Variants in KANK4 observed in about 807,000 individuals in gnomAD.
KANK4 encodes KN motif and ankyrin repeat domains 4, also known as KN motif and ankyrin repeat domain-containing protein 4.
A neutral mutation model predicts 80.8 loss-of-function variants in KANK4; 50 were observed. The observed-to-expected ratio is 0.62, with a 90% CI of 0.49 to 0.78. KANK4 has a LOEUF of 0.78. Ranked by LOEUF, KANK4 falls within the 30% of genes least tolerant of loss-of-function variation. The pLI, the probability that KANK4 is intolerant of heterozygous loss-of-function variation, is 0.00. For missense variants in KANK4, 1,196 were observed against 1,240.1 expected (o/e 0.96, Z 0.53); for synonymous variants, 465 against 506.9 (o/e 0.92, Z 1.11).
chr1:62,241,518 C>G (rs549461937), intron 9 of KANK4, among the ~76,000 whole-genome samples: 2 of 152,312 alleles, frequency 1.3e-5, no homozygotes, highest in East Asian at 3.9e-4. Flanking sequence ...TCCACGAGGT[C>G]AAGAACTTGA....
At chr1:62,248,901 G>A (rs549212676) in intron 8 of KANK4, among the ~76,000 whole-genome samples, 2 of 147,498 alleles carry the variant, frequency 1.4e-5, no homozygotes, top group African/African-American at 2.5e-5. Context: ...AGTGGCTCAC[G>A]CCTGTAATCC....
intron 1 of KANK4, among the ~76,000 whole-genome samples, chr1:62,314,225 G>T (rs902684551): frequency 6.6e-5 from 10 of 152,060 alleles, no homozygotes; most frequent in African/African-American, 9.7e-5. Flanking sequence ...TGTTGGCCAG[G>T]CTGGTCTCGA....
In KANK4 at chr1:62,275,087, G is replaced by A. The variant is rs373936260; in HGVS notation, c.17C>T (p.Ala6Val). MEKTD[A>V]KDQSSQGDEE... ...ATCCCCCTGAGAGGACTGGTCTTTG[G>A]CTGGGAGACATAAGACAAGTTAAAA... is the stretch of plus-strand genomic sequence containing the variant. Residue 6 changes from alanine (A) to valine (V), a missense_variant and splice_region_variant, in exon 3 of 10, where the codon GCC (alanine) becomes GTC (valine). Ala to Val is a moderately conservative substitution (Grantham distance 64). Transcript: ENST00000371153. 9.4e-6 allele frequency: 15 copies of A among 1,587,858 alleles called. No individual in the cohort carries two copies. The highest frequency in any genetic ancestry group is 2.2e-5 in the East Asian group (1 of 44,596).
At chr1:62,295,151 T>TC (rs1010307093) in intron 1 of KANK4, among the ~76,000 whole-genome samples, 1 of 152,012 alleles carries the variant, frequency 6.6e-6, no homozygotes, top group African/African-American at 2.4e-5. Context: ...TTTCTTTTTT[T>TC]TTTTTGAGAT....
intron 1 of KANK4, among the ~76,000 whole-genome samples, chr1:62,287,260 G>T (rs764033503): frequency 6.6e-6 from 1 of 152,210 alleles, no homozygotes; most frequent in African/African-American, 2.4e-5. Flanking sequence ...GGAGGGGCCA[G>T]GAAAGCGTCT....
At chr1:62,271,439 A>G (rs763114681) in intron 4 of KANK4, 39 bp downstream of exon 4, 15 of 1,327,146 alleles carry the variant, frequency 1.1e-5, no homozygotes, top group Non-Finnish European at 1.6e-5. Context: ...CAGGAGAGGT[A>G]GCAAGAAAGG....
chr1:62,271,515 T>A lies in KANK4; in HGVS notation c.1975A>T (p.Thr659Ser). The A allele has an allele frequency of 6.2e-7, 1 of 1,614,096 alleles. No homozygotes were observed. Among genetic ancestry groups the A allele is most frequent in the Non-Finnish European group, 8.5e-7 (1 of 1,179,938 alleles). ...DYGFRAGGNG[T>S]KKNLQFVGVN... ...CCAACAAACTGAAGGTTCTTTTTGG[T>A]CCCATTACCTCCTGCACGGAAGCCA... The change falls in exon 4 of 10, where the codon ACC becomes TCC. Residue 659 changes from threonine to serine, a missense_variant. By Grantham distance (58) the Thr-to-Ser change is moderately conservative. This residue lies in a region of KANK4 where 1,154 missense variants were observed against 1,179.6 expected (regional missense o/e 0.98). Coordinates refer to ENST00000371153, the MANE Select transcript of KANK4 (RefSeq NM_181712.5).
intron 2 of KANK4, among the ~76,000 whole-genome samples, chr1:62,278,320 TCTTCCTTCCTTC>T (rs1166178685): frequency 8.3e-5 from 5 of 60,514 alleles, no homozygotes; most frequent in Non-Finnish European, 1.4e-4. Flanking sequence ...ACATTTTCTT[TCTTCCTTCCTTC>T]CTTCCTTCCT....
chr1:62,247,422 G>A (rs368404501), intron 9 of KANK4, 50 bp downstream of exon 9: 3 of 1,557,966 alleles, frequency 1.9e-6, no homozygotes, highest in Non-Finnish European at 8.8e-7. Flanking sequence ...TTACAGGTAT[G>A]AGCCACCCTG....
intron 9 of KANK4, among the ~76,000 whole-genome samples, chr1:62,245,536 G>A (rs1282345644): frequency 6.6e-6 from 1 of 152,186 alleles, no homozygotes; most frequent in Non-Finnish European, 1.5e-5. Context: ...AATTGTGGCT[G>A]TTAAGAAAGC....
chr1:62,244,565 A>C (rs1361737989), intron 9 of KANK4, among the ~76,000 whole-genome samples: 3 of 152,106 alleles, frequency 2.0e-5, no homozygotes, highest in African/African-American at 7.2e-5. Context: ...TTTTCCTGCA[A>C]AAGCTCTCTC....
chr1:62,266,196 C>A (rs902760269), intron 6 of KANK4, among the ~76,000 whole-genome samples: 1 of 152,342 alleles, frequency 6.6e-6, no homozygotes. Flanking sequence ...CTTTCTTGTG[C>A]ATATCCATGG....
Position 62,247,474 on chromosome 1 carries a change from TGTCA to T in KANK4, c.2877_2880del (p.Asp960ArgfsTer11). The T allele has an allele frequency of 1.2e-6, 2 of 1,613,824 alleles. No homozygotes were observed. The highest frequency in any genetic ancestry group is 1.7e-6 in the Non-Finnish European group (2 of 1,179,978). ...TGTTAATTGCCTGTAAGTCTCACCT[TGTCA>T]GTCAGGCTGCTGTCGCAGGCTGGGT... On this transcript the variant is annotated frameshift_variant, in exon 9 of 10. Transcript: ENST00000371153. LOFTEE classifies it high-confidence loss of function.
chr1:62,273,212 G>T lies in KANK4; in HGVS notation c.1892C>A (p.Pro631Gln), dbSNP rs140099321. 5.3e-5 allele frequency: 80 copies of T among 1,512,126 alleles called. No homozygotes were observed. The highest frequency in any genetic ancestry group is 2.0e-4 in the Admixed American group (9 of 44,418). The allele number at this position is 1,512,126 out of a possible 1,614,324, so 93.7% of individuals were successfully genotyped here. The change falls in exon 3 of 10, where the codon CCG (proline) becomes CAG (glutamine). Residue 631 changes from proline to glutamine, a missense_variant. Around this residue, in one of 3 missense-constraint regions of KANK4, gnomAD observed 1,154 missense variants for 1,179.6 expected, o/e 0.98. Coordinates refer to ENST00000371153, the MANE Select transcript of KANK4 (RefSeq NM_181712.5). ...PKEPPASSSSPPVEISPSTSL... is the reference protein window; with the variant it reads ...PKEPPASSSSQPVEISPSTSL... ...ATATTGATGGTATTTACCCACTGGC[G>T]GGGAGGAGGAGGAGGCCGGTGGCTC... is the stretch of plus-strand genomic sequence containing the variant.
At chr1:62,290,623 T>C (rs181077738) in intron 1 of KANK4, among the ~76,000 whole-genome samples, 14 of 152,346 alleles carry the variant, frequency 9.2e-5, no homozygotes, top group Non-Finnish European at 2.1e-4. Context: ...AAGGATCATA[T>C]TTGTTTTCTT....
intron 1 of KANK4, among the ~76,000 whole-genome samples, chr1:62,316,973 G>T (rs534624851): frequency 6.6e-6 from 1 of 152,192 alleles, no homozygotes; most frequent in South Asian, 2.1e-4. Flanking sequence ...GTTTAATGCC[G>T]AAGTTCAAAG....
chr1:62,301,200 G>C (rs1159209604), intron 1 of KANK4, among the ~76,000 whole-genome samples: 2 of 152,092 alleles, frequency 1.3e-5, no homozygotes, highest in African/African-American at 2.4e-5. Context: ...AGCTGGACAG[G>C]CTCCTGCAAT....
intron 1 of KANK4, among the ~76,000 whole-genome samples, chr1:62,282,132 A>G (rs1221379542): frequency 6.6e-6 from 1 of 152,164 alleles, no homozygotes; most frequent in Non-Finnish European, 1.5e-5. Context: ...CAGAGATGAC[A>G]TAATTGCAAG....
At position 62,268,332 on chromosome 1, in the gene KANK4, T is replaced by C; in HGVS notation, c.2186A>G (p.Gln729Arg). ...GIPEGTCHAA[Q>R]ESGPGEEVPH... is the part of the protein sequence containing the mutation. ...GACTTCTTCCCCAGGCCCACTTTCC[T>C]GGGCAGCATGGCAGGTGCCCTCAGG... Residue 729 changes from glutamine to arginine, a missense_variant, in exon 5 of 10, where the codon CAG becomes CGG. Gln to Arg is a conservative substitution (Grantham distance 43). Coordinates refer to ENST00000371153, the MANE Select transcript of KANK4 (RefSeq NM_181712.5). The C allele has an allele frequency of 6.2e-7, 1 of 1,613,986 alleles. No homozygotes were observed. Among genetic ancestry groups the C allele is most frequent in the South Asian group, 1.1e-5 (1 of 91,010 alleles).
Sources: gnomAD v4.1 joint callset for allele counts (sites outside exome capture counted in the v4.1 genomes callset) on GRCh38, gnomAD v4.1.1 for gene constraint, gnomAD v4.1.1 regional missense constraint, MANE v1.5 for transcripts, NCBI Gene and HGNC (gene_info 2026-07-23, HGNC 2026-07-21) for gene names.